Variants in NMNAT1 observed in about 807,000 individuals in gnomAD.
NMNAT1 encodes the protein nicotinamide/nicotinic acid mononucleotide adenylyltransferase 1.
A neutral mutation model predicts 16.7 loss-of-function variants in NMNAT1; 11 were observed. The observed-to-expected ratio is 0.66, with a 90% CI of 0.41 to 1.09. The LOEUF (loss-of-function observed/expected upper bound fraction) is 1.09. Ranked by LOEUF, NMNAT1 falls within the 50% of genes least tolerant of loss-of-function variation. The pLI, the probability that NMNAT1 is intolerant of heterozygous loss-of-function variation, is 0.00. For synonymous variants in NMNAT1, 110 were observed against 119.8 expected (o/e 0.92, Z 0.53); for missense variants, 280 against 332.3 (o/e 0.84, Z 1.22).
rs1553128102 is a variant in NMNAT1 at position 9,982,346 on chromosome 1, C to A, written c.485C>A (p.Ser162Tyr). ...KLLCGADLLE[S>Y]FAVPNLWKSE... Reference sequence around the variant, plus strand: ...CTGTGTGGGGCAGATTTATTGGAGTCCTTTGCTGTTCCCAATTTGTGGAAG... The same window carrying A: ...CTGTGTGGGGCAGATTTATTGGAGTACTTTGCTGTTCCCAATTTGTGGAAG... Residue 162 changes from serine to tyrosine, a missense_variant, in exon 5 of 5, where the codon TCC (serine) becomes TAC (tyrosine). Ser to Tyr is a moderately radical substitution (Grantham distance 144). Coordinates refer to ENST00000377205, the MANE Select transcript of NMNAT1 (RefSeq NM_022787.4). 9 of 1,613,958 alleles carry A rather than the reference C, an allele frequency of 5.6e-6. No homozygotes were observed. Among genetic ancestry groups the A allele is most frequent in the Non-Finnish European group, 7.6e-6 (9 of 1,179,998 alleles).
At chr1:9,963,739 G>C (rs1349250894) in intron 1 of NMNAT1, among the ~76,000 whole-genome samples, 1 of 151,826 alleles carries the variant, frequency 6.6e-6, no homozygotes, top group Non-Finnish European at 1.5e-5. Flanking sequence ...GTTTGTAATA[G>C]TGAAAAATTA....
intron 3 of NMNAT1, among the ~76,000 whole-genome samples, chr1:9,977,903 AGGGTCACTCCTCC>A (rs1257924523): frequency 6.6e-6 from 1 of 152,042 alleles, no homozygotes; most frequent in East Asian, 1.9e-4. Context: ...AGTGGAAGTC[AGGGTCACTCCTCC>A]GATGTTGCCG....
At chr1:9,946,199 T>A (rs999701833) in intron 1 of NMNAT1, among the ~76,000 whole-genome samples, 1 of 152,232 alleles carries the variant, frequency 6.6e-6, no homozygotes, top group African/African-American at 2.4e-5. Context: ...AGGGTTTTTT[T>A]ATATGCCTTT....
downstream of NMNAT1, among the ~76,000 whole-genome samples, chr1:9,987,018 G>A (rs1333346183): frequency 6.6e-6 from 1 of 151,684 alleles, no homozygotes; most frequent in African/African-American, 2.4e-5. Context: ...CCAACATGGT[G>A]AAACCCTGTC....
At chr1:9,996,744 A>G in the NMNAT1 span, among the ~76,000 whole-genome samples, 1 of 152,156 alleles carries the variant, frequency 6.6e-6, no homozygotes, top group Non-Finnish European at 1.5e-5. Context: ...AACAAGCAGG[A>G]ATAAAAGGCC....
At chr1:9,994,613 G>A in the NMNAT1 span, among the ~76,000 whole-genome samples, 6 of 38,880 alleles carry the variant, frequency 1.5e-4, no homozygotes, top group Non-Finnish European at 2.6e-4. Context: ...TGTATTTTTT[G>A]TATTTTTTTT....
At chr1:9,981,197 G>A (rs780121023) in intron 4 of NMNAT1, 27 bp downstream of exon 4, 5 of 1,592,900 alleles carry the variant, frequency 3.1e-6, no homozygotes, top group Non-Finnish European at 4.3e-6. Flanking sequence ...AGGACCCACG[G>A]ACTAGAGTTG....
chr1:9,945,649 G>A (rs768366355), intron 1 of NMNAT1, among the ~76,000 whole-genome samples: 10 of 152,186 alleles, frequency 6.6e-5, no homozygotes, highest in African/African-American at 1.2e-4. Context: ...GCAGTGAGCC[G>A]AGATCGTGCT....
chr1:9,994,201 C>T, the NMNAT1 span, among the ~76,000 whole-genome samples: 6 of 149,034 alleles, frequency 4.0e-5, no homozygotes, highest in Non-Finnish European at 8.9e-5. Flanking sequence ...ACCTCTGCCT[C>T]CCGGGTTCAA....
chr1:9,986,038 C>A (rs897496616), downstream of NMNAT1, among the ~76,000 whole-genome samples: 1 of 152,134 alleles, frequency 6.6e-6, no homozygotes, highest in Admixed American at 6.6e-5. Flanking sequence ...CCCTTGCTAT[C>A]CTTTAATGAA....
At chr1:9,974,061 C>T (rs1641751446) in intron 2 of NMNAT1, among the ~76,000 whole-genome samples, 2 of 152,124 alleles carry the variant, frequency 1.3e-5, no homozygotes, top group Admixed American at 6.6e-5. Context: ...TGCTCTTGAA[C>T]TCCTGTTCTC....
rs544625097 is a variant in NMNAT1, at chr1:9,968,019, A to G, written c.-56-3999A>G. 5.3e-5 allele frequency among the ~76,000 whole-genome samples: 8 copies of G among 151,954 alleles called. No homozygotes were observed. In the South Asian group the frequency reaches 1.7e-3, roughly 32 times the overall value. ...GACAATTCTAGTAACATAATTTGCA[A>G]CATTCATAATAGCTATATTCATAGC... On this transcript the variant is annotated intron_variant, in intron 1 of 4. Transcript: ENST00000377205.
chr1:9,960,274 T>C (rs918319656), intron 1 of NMNAT1, among the ~76,000 whole-genome samples: 1 of 151,926 alleles, frequency 6.6e-6, no homozygotes, highest in African/African-American at 2.4e-5. Context: ...AACAGAGCGA[T>C]ACCCTATCTC....
At chr1:9,991,294 T>C in the NMNAT1 span, among the ~76,000 whole-genome samples, 2 of 151,988 alleles carry the variant, frequency 1.3e-5, no homozygotes, top group South Asian at 4.2e-4. Context: ...CAAGCAATTC[T>C]CTTGCCTCAG....
intron 2 of NMNAT1, among the ~76,000 whole-genome samples, chr1:9,974,612 T>C (rs1641765236): frequency 6.6e-6 from 1 of 151,886 alleles, no homozygotes; most frequent in Admixed American, 6.6e-5. Flanking sequence ...ATGGTCTTGA[T>C]CTCCTGACCT....
chr1:9,982,834 A>G lies in NMNAT1; in HGVS notation c.*133A>G. Reference sequence around the variant, plus strand: ...AAAGTTTAGTAAAAATCGTCTGGGCACAGTGGCTCACGCCTGTAATCCCAG... The same window carrying G: ...AAAGTTTAGTAAAAATCGTCTGGGCGCAGTGGCTCACGCCTGTAATCCCAG... On this transcript the variant is annotated 3_prime_UTR_variant, in exon 5 of 5. Transcript: ENST00000377205. 1.1e-6 allele frequency: 1 copy of G among 919,476 alleles called. No homozygotes were observed. The highest frequency in any genetic ancestry group is 1.6e-6 in the Non-Finnish European group (1 of 624,562). 57.0% of individuals were successfully genotyped at this position (919,476 alleles called of 1,614,324 possible). A position where few individuals can be genotyped will look rare whatever the true frequency, so the allele number is the denominator to read the frequency against.
chr1:9,950,922 C>A (rs879282808), intron 1 of NMNAT1, among the ~76,000 whole-genome samples: 5 of 152,054 alleles, frequency 3.3e-5, no homozygotes, highest in Non-Finnish European at 7.4e-5. Context: ...AACCCCATCT[C>A]TACTAAAAAT....
chr1:9,946,052 C>A (rs1640973637), intron 1 of NMNAT1, among the ~76,000 whole-genome samples: 1 of 152,212 alleles, frequency 6.6e-6, no homozygotes, highest in Non-Finnish European at 1.5e-5. Context: ...CCCCACCCAG[C>A]CTTCCCCTAA....
intron 1 of NMNAT1, among the ~76,000 whole-genome samples, chr1:9,964,073 G>A (rs1641486787): frequency 6.6e-6 from 1 of 150,724 alleles, no homozygotes; most frequent in Non-Finnish European, 1.5e-5. Context: ...TATACTTTTG[G>A]TAGGGATGGG....
Sources: gnomAD v4.1 joint callset for allele counts (sites outside exome capture counted in the v4.1 genomes callset) on GRCh38, gnomAD v4.1.1 for gene constraint, MANE v1.5 for transcripts, NCBI Gene and HGNC (gene_info 2026-07-23, HGNC 2026-07-21) for gene names.